Variants in NFX1 observed in about 807,000 individuals in gnomAD.
NFX1 encodes the protein nuclear transcription factor, X-box binding 1.
A neutral mutation model predicts 137.2 loss-of-function variants in NFX1; 69 were observed. The ratio of observed to expected loss-of-function variants is 0.50; its 90% CI spans 0.41 to 0.61. NFX1 has a LOEUF of 0.61. NFX1 is among the 20% of genes least tolerant of loss of function. The pLI, the probability that NFX1 is intolerant of heterozygous loss-of-function variation, is 0.00. For missense variants in NFX1, 1,167 were observed against 1,391.0 expected (o/e 0.84, Z 2.56); for synonymous variants, 495 against 474.1 (o/e 1.04, Z -0.57).
rs1032560245 is a variant in NFX1 at position 33,295,276 on chromosome 9, C to T, written c.882C>T (p.Thr294=). ...DDLNERPAKS[T]CDSENLAVIN... Reference sequence around the variant, plus strand: ...TCAATGAAAGACCAGCAAAATCTACCTGTGACAGTGAGAACTTGGCAGTCA... The same window carrying T: ...TCAATGAAAGACCAGCAAAATCTACTTGTGACAGTGAGAACTTGGCAGTCA... The change falls in exon 2 of 24, where the codon ACC becomes ACT. Residue 294 remains threonine, a synonymous_variant. Transcript: ENST00000379540. The T allele has an allele frequency of 3.1e-6, 5 of 1,614,104 alleles. No individual in the cohort carries two copies. Among genetic ancestry groups the T allele is most frequent in the Non-Finnish European group, 4.2e-6 (5 of 1,180,018 alleles).
Position 33,351,697 on chromosome 9 carries a change from G to C in NFX1, c.2562G>C (p.Gln854His), listed in dbSNP as rs1823641889. 1 of 1,613,964 alleles carries C rather than the reference G, an allele frequency of 6.2e-7. No homozygotes were observed. Among genetic ancestry groups the C allele is most frequent in the African/African-American group, 1.3e-5 (1 of 74,920 alleles). Residue 854 changes from glutamine (Q) to histidine (H), a missense_variant, in exon 16 of 24, where the codon CAG becomes CAC. By Grantham distance (24) the Gln-to-His change is conservative. This residue lies in a region of NFX1 where 488 missense variants were observed against 691.5 expected (regional missense o/e 0.71). Transcript: ENST00000379540. ...GECLVDEPCK[Q>H]PCTTPRADCG... is the part of the protein sequence containing the mutation. ...GTCTTGTGGATGAGCCCTGCAAGCA[G>C]CCCTGCACCACCCCCAGAGCTGACT...
At chr9:33,302,384 CAG>C (rs1350336693) in intron 3 of NFX1, among the ~76,000 whole-genome samples, 7 of 112,350 alleles carry the variant, frequency 6.2e-5, no homozygotes, top group Non-Finnish European at 1.2e-4. Context: ...TTTTTTGAGA[CAG>C]AGTCTTACTC....
At chr9:33,356,253 A>G (rs931735066) in intron 19 of NFX1, among the ~76,000 whole-genome samples, 2 of 152,194 alleles carry the variant, frequency 1.3e-5, no homozygotes, top group African/African-American at 2.4e-5. Flanking sequence ...CCTTTCTTGT[A>G]GTTACTGGCC....
chr9:33,304,296 TC>T (rs1821678081), intron 4 of NFX1, among the ~76,000 whole-genome samples: 1 of 152,052 alleles, frequency 6.6e-6, no homozygotes, highest in African/African-American at 2.4e-5. Context: ...AACAAAGAAA[TC>T]ACCAATGACT....
At position 33,367,512 on chromosome 9, in the gene NFX1, CA is replaced by C. The variant is rs746763042; in HGVS notation, c.3186-2del. 1.1e-5 allele frequency: 18 copies of C among 1,613,436 alleles called. No individual in the cohort carries two copies. In the African/African-American group the frequency reaches 2.0e-4, roughly 18 times the overall value. On this transcript the variant is annotated splice_acceptor_variant, in intron 22 of 23. Coordinates refer to ENST00000379540, the MANE Select transcript of NFX1 (RefSeq NM_002504.6). LOFTEE classifies it high-confidence loss of function. ...CAATGCTTGGTGTTTTGACTTTTATCAGGGGGAAGTCCGTTTGTCCTCCTAC... is the reference window on the plus strand; with the variant it reads ...CAATGCTTGGTGTTTTGACTTTTATCGGGGGAAGTCCGTTTGTCCTCCTAC...
At chr9:33,311,851 G>A (rs894189492) in intron 6 of NFX1, among the ~76,000 whole-genome samples, 6 of 152,050 alleles carry the variant, frequency 3.9e-5, no homozygotes, top group African/African-American at 1.2e-4. Context: ...GCGCTCGGTC[G>A]GCAAGGATTT....
Position 33,370,120 on chromosome 9 carries a change from A to G in NFX1, c.*142A>G. 1 of 621,820 alleles carries G rather than the reference A, an allele frequency of 1.6e-6. No homozygotes were observed. The highest frequency in any genetic ancestry group is 2.9e-5 in the East Asian group (1 of 35,064). The allele number at this position is 621,820 out of a possible 1,614,324, so 38.5% of individuals were successfully genotyped here. A position where few individuals can be genotyped will look rare whatever the true frequency, so the allele number is the denominator to read the frequency against. On this transcript the variant is annotated 3_prime_UTR_variant, in exon 24 of 24. Transcript: ENST00000379540. ...CTTGTACTGACACATCCAAAGCATGAGTGTGTCAGAAATCCCTTGTCTATT... is the reference window on the plus strand; with the variant it reads ...CTTGTACTGACACATCCAAAGCATGGGTGTGTCAGAAATCCCTTGTCTATT...
At chr9:33,300,983 A>AG (rs1250890407) in intron 2 of NFX1, among the ~76,000 whole-genome samples, 5 of 152,338 alleles carry the variant, frequency 3.3e-5, no homozygotes, top group Non-Finnish European at 5.9e-5. Flanking sequence ...CTATGTTACA[A>AG]GGGGCATTTG....
intron 23 of NFX1, among the ~76,000 whole-genome samples, chr9:33,367,971 C>T (rs761493015): frequency 7.9e-5 from 12 of 152,180 alleles, no homozygotes; most frequent in Non-Finnish European, 1.6e-4. Context: ...CGGTGGCTCA[C>T]GCCTGTAATC....
rs556762179 is a variant in NFX1, at chr9:33,338,603, T to C, written c.2115+14T>C. The C allele has an allele frequency of 4.4e-6, 7 of 1,577,636 alleles. No individual in the cohort carries two copies. The highest frequency in any genetic ancestry group is 2.2e-5 in the East Asian group (1 of 44,530). On this transcript the variant is annotated intron_variant, in intron 12 of 23. Transcript: ENST00000379540. ...ATATGCTGTGTGGTAAGTGGACTTA[T>C]TAGGCATAATCAGATTCCATTCATC...
intron 19 of NFX1, among the ~76,000 whole-genome samples, chr9:33,357,489 C>G (rs1243703756): frequency 6.6e-6 from 1 of 151,844 alleles, no homozygotes; most frequent in Admixed American, 6.6e-5. Flanking sequence ...TTTGATTATT[C>G]TTTATTCTTA....
intron 10 of NFX1, among the ~76,000 whole-genome samples, chr9:33,329,454 T>C (rs1033943269): frequency 2.0e-5 from 3 of 152,150 alleles, no homozygotes; most frequent in African/African-American, 7.2e-5. Flanking sequence ...AATTGGACTA[T>C]CCAGTGACTC....
At chr9:33,344,212 C>CT in intron 14 of NFX1, 24 bp downstream of exon 14, 1 of 1,612,930 alleles carries the variant, frequency 6.2e-7, no homozygotes, top group East Asian at 2.2e-5. Context: ...TGTCTTCACA[C>CT]TTCAGCCTGC....
In NFX1 at chr9:33,290,925, A is replaced by T. The variant is rs115399783; in HGVS notation, c.25+328A>T. ...GACAGGCGGGCGTCGGCCAGGTCAC[A>T]GCCAGTGACGGTGGCGGGCTCTTGA... On this transcript the variant is annotated intron_variant, in intron 1 of 23. Transcript: ENST00000379540. 3.2e-3 allele frequency among the ~76,000 whole-genome samples: 483 copies of T among 152,324 alleles called. 2 individuals carry two copies. The highest frequency in any genetic ancestry group is 0.011 in the African/African-American group (465 of 41,570).
chr9:33,317,831 C>G (rs2118375553), intron 7 of NFX1, among the ~76,000 whole-genome samples: 1 of 151,960 alleles, frequency 6.6e-6, no homozygotes, highest in Admixed American at 6.6e-5. Flanking sequence ...CAGAAATTAG[C>G]TGGGCGTGGT....
intron 9 of NFX1, 53 bp from the exon 10 acceptor site, chr9:33,328,523 GAGTAT>G: frequency 7.6e-7 from 1 of 1,319,126 alleles, no homozygotes; most frequent in Non-Finnish European, 1.1e-6. Context: ...GCAAATTTGG[GAGTAT>G]GAAAATGAGT....
intron 17 of NFX1, 120 bp downstream of exon 17, chr9:33,352,839 A>G: frequency 2.7e-6 from 2 of 731,286 alleles, no homozygotes; most frequent in East Asian, 5.3e-5. Flanking sequence ...GAAGTCTGTA[A>G]CTGTTGTAAT....
intron 19 of NFX1, 49 bp from the exon 20 acceptor site, chr9:33,363,961 T>C: frequency 7.6e-7 from 1 of 1,313,926 alleles, no homozygotes; most frequent in African/African-American, 1.5e-5. Context: ...TACTGCAAGA[T>C]AGTTTCCCTC....
At position 33,338,580 on chromosome 9, in the gene NFX1, A is replaced by G; in HGVS notation, c.2106A>G (p.Ile702Met). 2.5e-6 allele frequency: 4 copies of G among 1,594,894 alleles called. No individual in the cohort carries two copies. The highest frequency in any genetic ancestry group is 3.4e-6 in the Non-Finnish European group (4 of 1,174,268). ...GTGGACGGCATAAATGTAATGAGAT[A>G]TGCTGTGTGGTAAGTGGACTTATTA... ...RLCGRHKCNE[I>M]CCVDKEHKCP... The change falls in exon 12 of 24, where the codon ATA becomes ATG. Residue 702 changes from isoleucine (I) to methionine (M), a missense_variant. Transcript: ENST00000379540.
Sources: gnomAD v4.1 joint callset for allele counts (sites outside exome capture counted in the v4.1 genomes callset) on GRCh38, gnomAD v4.1.1 for gene constraint, gnomAD v4.1.1 regional missense constraint, MANE v1.5 for transcripts, NCBI Gene and HGNC (gene_info 2026-07-23, HGNC 2026-07-21) for gene names.